Variants in SLC4A7 observed in about 807,000 individuals in gnomAD.
The protein encoded by SLC4A7 is solute carrier family 4 member 7, also known as sodium bicarbonate cotransporter 3.
A neutral mutation model predicts 137.6 loss-of-function variants in SLC4A7; 51 were observed. The observed-to-expected ratio is 0.37, with a 90% CI of 0.30 to 0.47. The LOEUF is 0.47. SLC4A7 is among the 20% of genes least tolerant of loss of function. The pLI, the probability that SLC4A7 is intolerant of heterozygous loss-of-function variation, is 1.00. For missense variants in SLC4A7, 1,247 were observed against 1,525.4 expected, an observed-to-expected ratio of 0.82 and a Z score of 3.04; for synonymous variants, 542 against 518.6, an observed-to-expected ratio of 1.05 and a Z score of -0.61.
intron 7 of SLC4A7, among the ~76,000 whole-genome samples, chr3:27,429,095 G>A (rs977402687): frequency 3.3e-5 from 5 of 151,800 alleles, no homozygotes; most frequent in African/African-American, 4.8e-5. Flanking sequence ...GTGAAACCCC[G>A]TTGCTACTAA....
chr3:27,409,624 T>C, intron 12 of SLC4A7, 94 bp from the exon 13 acceptor site: 2 of 882,052 alleles, frequency 2.3e-6, no homozygotes, highest in Non-Finnish European at 3.5e-6. Context: ...TGCTGGTGCC[T>C]AGGTGTTTTG....
chr3:27,440,448 C>A (rs534819939), intron 3 of SLC4A7, among the ~76,000 whole-genome samples: 34 of 152,288 alleles, frequency 2.2e-4, no homozygotes, highest in African/African-American at 8.2e-4. Flanking sequence ...CTTAACCCAG[C>A]CAGGTGTGGT....
At chr3:27,478,161 C>G (rs921057786) in intron 1 of SLC4A7, among the ~76,000 whole-genome samples, 2 of 151,342 alleles carry the variant, frequency 1.3e-5, no homozygotes, top group African/African-American at 4.9e-5. Flanking sequence ...AGAATCAGAA[C>G]CAAATGATAC....
chr3:27,401,087 T>A, intron 15 of SLC4A7: 1 of 369,936 alleles, frequency 2.7e-6, no homozygotes, highest in Non-Finnish European at 4.9e-6. Context: ...AAACGTTTAG[T>A]TAATGAAGCT....
chr3:27,484,251 G>T lies in SLC4A7; in HGVS notation c.-125C>A. ...CGAGGACAAACGTGGGTGCGTCCGT[G>T]CGCGAGGTGTGCGCGCGTGGGGAGA... On this transcript the variant is annotated 5_prime_UTR_variant, in exon 1 of 26. Coordinates refer to ENST00000454389, the MANE Select transcript of SLC4A7 (RefSeq NM_001321103.2). 2 of 762,614 alleles carry T rather than the reference G, an allele frequency of 2.6e-6. No homozygotes were observed. Among genetic ancestry groups the T allele is most frequent in the Non-Finnish European group, 3.5e-6 (2 of 566,300 alleles). The allele number at this position is 762,614 out of a possible 1,614,324, so 47.2% of individuals were successfully genotyped here.
chr3:27,464,474 G>A (rs971677354), intron 1 of SLC4A7, among the ~76,000 whole-genome samples: 1 of 151,890 alleles, frequency 6.6e-6, no homozygotes, highest in South Asian at 2.1e-4. Flanking sequence ...TTGGGAGGCC[G>A]AGGCAGAGGT....
In SLC4A7 at chr3:27,421,544, T is replaced by C. The variant is rs557105361; in HGVS notation, c.1424+78A>G. The C allele has an allele frequency of 7.5e-6, 8 of 1,073,574 alleles. No homozygotes were observed. The South Asian group carries it at 1.1e-4, about 14-fold the overall frequency. 66.5% of individuals were successfully genotyped at this position (1,073,574 alleles called of 1,614,324 possible). A position where few individuals can be genotyped will look rare whatever the true frequency, so the allele number is the denominator to read the frequency against. ...TAAGCTTTTATTACATAAATCAACA[T>C]GCTTGTTCATTCGCTGGATTAAAAA... On this transcript the variant is annotated intron_variant, in intron 9 of 25. Coordinates refer to ENST00000454389, the MANE Select transcript of SLC4A7 (RefSeq NM_001321103.2).
chr3:27,483,361 C>A (rs1164033984), intron 1 of SLC4A7, among the ~76,000 whole-genome samples: 1 of 152,246 alleles, frequency 6.6e-6, no homozygotes. Context: ...AGAGAAGGAG[C>A]ACCAGACAGC....
chr3:27,447,942 T>G (rs1452153498), intron 3 of SLC4A7, among the ~76,000 whole-genome samples: 1 of 152,084 alleles, frequency 6.6e-6, no homozygotes, highest in Non-Finnish European at 1.5e-5. Context: ...CCAAGCATGG[T>G]GGCTCACACC....
At chr3:27,407,436 C>A (rs943446665) in intron 13 of SLC4A7, among the ~76,000 whole-genome samples, 17 of 150,004 alleles carry the variant, frequency 1.1e-4, no homozygotes, top group Non-Finnish European at 1.9e-4. Flanking sequence ...GCTGAGATCG[C>A]GCCACTGCAC....
At chr3:27,438,631 CATAAA>C (rs968872865) in intron 3 of SLC4A7, among the ~76,000 whole-genome samples, 55 of 149,508 alleles carry the variant, frequency 3.7e-4, no homozygotes, top group African/African-American at 9.8e-4. Flanking sequence ...AATAACATAA[CATAAA>C]ATAACATAAA....
intron 1 of SLC4A7, among the ~76,000 whole-genome samples, chr3:27,455,068 C>T (rs1416671992): frequency 6.6e-6 from 1 of 150,700 alleles, no homozygotes; most frequent in African/African-American, 2.4e-5. Flanking sequence ...CCACTATATA[C>T]TGTCTGTGAA....
chr3:27,386,994 G>A (rs1315800453), intron 22 of SLC4A7, among the ~76,000 whole-genome samples: 2 of 152,108 alleles, frequency 1.3e-5, no homozygotes, highest in African/African-American at 4.8e-5. Context: ...CCTGCTTATG[G>A]TATTCAAGTG....
chr3:27,406,800 T>TACAC (rs2053409219), intron 13 of SLC4A7, among the ~76,000 whole-genome samples: 1 of 151,962 alleles, frequency 6.6e-6, no homozygotes, highest in South Asian at 2.1e-4. Context: ...GGCGTGGTGG[T>TACAC]ACACACCTAT....
At chr3:27,397,404 T>A (rs1044833540) in intron 18 of SLC4A7, among the ~76,000 whole-genome samples, 1 of 152,098 alleles carries the variant, frequency 6.6e-6, no homozygotes, top group Non-Finnish European at 1.5e-5. Flanking sequence ...AAAGACTTTT[T>A]TTTTTTTTTA....
chr3:27,385,503 GTATT>G (rs2050845541), intron 23 of SLC4A7, among the ~76,000 whole-genome samples: 1 of 152,100 alleles, frequency 6.6e-6, no homozygotes, highest in Admixed American at 6.5e-5. Flanking sequence ...TATGTTAAAT[GTATT>G]TAAAGTTTTC....
In SLC4A7 at chr3:27,383,217, T is replaced by C. The variant is rs755125774; in HGVS notation, c.3526A>G (p.Thr1176Ala). ...CCCCCTTCAAATGGAAGGTGCACAG[T>C]ATCATCATCATCTTGAAGCATCCGT... ...AERMLQDDDD[T>A]VHLPFEGGSL... Residue 1176 changes from threonine (T) to alanine (A), a missense_variant, in exon 24 of 26, where the codon ACT becomes GCT. Physicochemically the swap from Thr to Ala is moderately conservative, Grantham distance 58 (BLOSUM62 0). Transcript: ENST00000454389. 21 of 1,612,858 alleles carry C rather than the reference T, an allele frequency of 1.3e-5. No individual in the cohort carries two copies. Among genetic ancestry groups the C allele is most frequent in the South Asian group, 6.6e-5 (6 of 90,986 alleles).
At chr3:27,424,260 T>A in intron 7 of SLC4A7, 108 bp from the exon 8 acceptor site, 1 of 563,812 alleles carries the variant, frequency 1.8e-6, no homozygotes, top group Non-Finnish European at 3.1e-6. Context: ...AAAGCAAATG[T>A]GCAAGGTTAA....
chr3:27,392,599 G>A (rs2051684043), intron 20 of SLC4A7, among the ~76,000 whole-genome samples: 1 of 152,088 alleles, frequency 6.6e-6, no homozygotes, highest in Non-Finnish European at 1.5e-5. Flanking sequence ...GCTGAGGCGG[G>A]CAGATCACTT....
Sources: gnomAD v4.1 joint callset for allele counts (sites outside exome capture counted in the v4.1 genomes callset) on GRCh38, gnomAD v4.1.1 for gene constraint, MANE v1.5 for transcripts, NCBI Gene and HGNC (gene_info 2026-07-23, HGNC 2026-07-21) for gene names.